RBFOX3: variants seen among roughly 807,000 people sequenced by gnomAD.
RBFOX3 encodes the protein RNA binding protein fox-1 homolog 3.
Under a neutral mutation model 48.7 loss-of-function variants are expected in RBFOX3, and 17 were observed. The ratio of observed to expected loss-of-function variants is 0.35; its 90% CI spans 0.24 to 0.52. The LOEUF (loss-of-function observed/expected upper bound fraction) is 0.52, where lower values mean the gene tolerates loss of function less well. RBFOX3 is among the 20% of genes least tolerant of loss of function. The pLI is 0.94. For missense variants in RBFOX3, 382 were observed against 497.5 expected (o/e 0.77, Z 2.21); for synonymous variants, 212 against 209.5 (o/e 1.01, Z -0.10).
intron 3 of RBFOX3, among the ~76,000 whole-genome samples, chr17:79,288,788 C>T (rs1363857550): frequency 6.6e-6 from 1 of 151,874 alleles, no homozygotes; most frequent in African/African-American, 2.4e-5. Flanking sequence ...ATGACCCCCC[C>T]AATTGATATA....
chr17:79,377,222 C>T (rs2059322420), intron 2 of RBFOX3, among the ~76,000 whole-genome samples: 2 of 148,178 alleles, frequency 1.3e-5, no homozygotes. Context: ...TACACACACA[C>T]TACACAGACG....
At chr17:79,360,656 A>G (rs1451056790) in intron 2 of RBFOX3, among the ~76,000 whole-genome samples, 1 of 152,164 alleles carries the variant, frequency 6.6e-6, no homozygotes, top group African/African-American at 2.4e-5. Flanking sequence ...AAAACTAGCC[A>G]GGAAGAAGCC....
In RBFOX3 at chr17:79,443,456, G is replaced by A. The variant is rs1428935971; in HGVS notation, c.-175+38998C>T. ...GAGTGCAGTGGCTCGATCTCGGCTC[G>A]CTGCAACCTCTGCCTCCCAGGTTCC... is the stretch of plus-strand genomic sequence containing the variant. On this transcript the variant is annotated intron_variant, in intron 2 of 14. Coordinates refer to ENST00000693108, the MANE Select transcript of RBFOX3 (RefSeq NM_001350451.2). The surrounding 1 kb of genome is among the most constrained non-coding windows in gnomAD (Gnocchi z 4.4). Among the ~76,000 whole-genome samples, 6 of 151,682 alleles carry A rather than the reference G, an allele frequency of 4.0e-5. No individual in the cohort carries two copies. The East Asian group carries it at 9.7e-4, about 25-fold the overall frequency.
At chr17:79,600,833 C>G (rs999812475) in intron 1 of RBFOX3, 1 of 152,256 alleles carries the variant, frequency 6.6e-6, no homozygotes, top group Non-Finnish European at 1.5e-5. Flanking sequence ...AGGGAGGAAC[C>G]GTAAATCTTT....
In RBFOX3 at chr17:79,089,876, C is replaced by T. The variant is rs916114668; in HGVS notation, c.*1007G>A. 1 of 152,424 alleles carries T rather than the reference C, an allele frequency of 6.6e-6. No homozygotes were observed. The highest frequency in any genetic ancestry group is 2.4e-5 in the African/African-American group (1 of 41,452). 9.4% of individuals were successfully genotyped at this position (152,424 alleles called of 1,614,324 possible). On this transcript the variant is annotated 3_prime_UTR_variant, in exon 15 of 15. Coordinates refer to ENST00000693108, the MANE Select transcript of RBFOX3 (RefSeq NM_001350451.2). ...GGCCCAGGCTTCCCCATCCCTTGCCCTTCCCATGGGCCCCTGCTCTGGCTG... is the reference window on the plus strand; with the variant it reads ...GGCCCAGGCTTCCCCATCCCTTGCCTTTCCCATGGGCCCCTGCTCTGGCTG...
At chr17:79,167,971 C>T (rs1262859436) in intron 4 of RBFOX3, among the ~76,000 whole-genome samples, 3 of 152,248 alleles carry the variant, frequency 2.0e-5, no homozygotes, top group Non-Finnish European at 4.4e-5. Flanking sequence ...CCCTTCACCT[C>T]CAACCACAGA....
intron 2 of RBFOX3, among the ~76,000 whole-genome samples, chr17:79,435,454 G>A (rs2069232214): frequency 6.6e-6 from 1 of 152,338 alleles, no homozygotes; most frequent in African/African-American, 2.4e-5. Context: ...GCCGCTGTGT[G>A]GCACCCCTTG....
intron 2 of RBFOX3, among the ~76,000 whole-genome samples, chr17:79,463,835 A>G (rs1468055900): frequency 1.4e-4 from 18 of 129,726 alleles, no homozygotes; most frequent in Non-Finnish European, 2.6e-4. Flanking sequence ...CACCACTGCC[A>G]CCACCACCAT....
chr17:79,497,392 C>T (rs1449622351), intron 1 of RBFOX3, among the ~76,000 whole-genome samples: 6 of 152,252 alleles, frequency 3.9e-5, no homozygotes, highest in African/African-American at 7.2e-5. Context: ...TCCAATGGAC[C>T]GCAGAGTCTT....
At position 79,499,304 on chromosome 17, in the gene RBFOX3, A is replaced by T. The variant is rs542277386; in HGVS notation, c.-319-16706T>A. On this transcript the variant is annotated intron_variant, in intron 1 of 14. Coordinates refer to ENST00000693108, the MANE Select transcript of RBFOX3 (RefSeq NM_001350451.2). ...TCTACCATCCATTTATTCATCCACT[A>T]TTCATTCATGCACTCATCCATCCAC... is the stretch of plus-strand genomic sequence containing the variant. 4.6e-5 allele frequency among the ~76,000 whole-genome samples: 7 copies of T among 151,612 alleles called. No homozygotes were observed. In the East Asian group the frequency reaches 1.4e-3, roughly 30 times the overall value.
rs539406093 is a variant in RBFOX3, at chr17:79,249,501, C to A, written c.-73-13696G>T. 2.6e-5 allele frequency among the ~76,000 whole-genome samples: 4 copies of A among 152,122 alleles called. No individual in the cohort carries two copies. Among genetic ancestry groups the A allele is most frequent in the African/African-American group, 7.2e-5 (3 of 41,490 alleles). On this transcript the variant is annotated intron_variant, in intron 3 of 14. Transcript: ENST00000693108. This position sits in a 1 kb window ranked among gnomAD's most constrained non-coding sequence, Gnocchi z 4.1. The stretch of plus-strand genomic sequence containing the variant: ...AACGGGCTTGGGGTGTGCTTTTTCA[C>A]CTGCAAACCGGCCAACCAGATCCCA...
chr17:79,566,398 C>A (rs2092456332), intron 1 of RBFOX3, among the ~76,000 whole-genome samples: 1 of 152,178 alleles, frequency 6.6e-6, no homozygotes, highest in African/African-American at 2.4e-5. Flanking sequence ...CATGGTCCTG[C>A]AGCTCCAGGG....
chr17:79,246,981 A>G (rs12051618), intron 3 of RBFOX3, among the ~76,000 whole-genome samples: 71,235 of 152,046 alleles, frequency 0.47, 16,833 homozygotes, highest in Middle Eastern at 0.61. Context: ...AGCGCGTTTC[A>G]TTATCAACAA....
At chr17:79,542,032 C>T (rs567186496) in intron 1 of RBFOX3, among the ~76,000 whole-genome samples, 11 of 144,558 alleles carry the variant, frequency 7.6e-5, no homozygotes, top group South Asian at 4.4e-4. Flanking sequence ...ACCTTGAGAG[C>T]GTCGACCTTT....
intron 4 of RBFOX3, among the ~76,000 whole-genome samples, chr17:79,141,586 T>C (rs2041924524): frequency 6.6e-6 from 1 of 152,158 alleles, no homozygotes; most frequent in Admixed American, 6.6e-5. Flanking sequence ...GGTCTCCTGA[T>C]GTCCAAACAC....
At chr17:79,342,559 G>A (rs1468760718) in intron 2 of RBFOX3, among the ~76,000 whole-genome samples, 1 of 152,208 alleles carries the variant, frequency 6.6e-6, no homozygotes, top group Non-Finnish European at 1.5e-5. Flanking sequence ...TCCCCTCCCT[G>A]CAAAGCCTAG....
chr17:79,143,196 C>T (rs61686889), intron 4 of RBFOX3, among the ~76,000 whole-genome samples: 340 of 152,264 alleles, frequency 2.2e-3, no homozygotes, highest in African/African-American at 7.1e-3. Flanking sequence ...TGCATCTGAC[C>T]GTGGCGACTA....
At chr17:79,460,086 T>A (rs77574400) in intron 2 of RBFOX3, among the ~76,000 whole-genome samples, 3,779 of 152,170 alleles carry the variant, frequency 0.025, 154 homozygotes, top group African/African-American at 0.086. Context: ...GAGGGGCAGT[T>A]GCCAAGGGCT....
intron 1 of RBFOX3, among the ~76,000 whole-genome samples, chr17:79,523,932 C>A (rs2086466191): frequency 6.6e-6 from 1 of 152,144 alleles, no homozygotes; most frequent in East Asian, 1.9e-4. Context: ...ACCTCGGTGG[C>A]ACTGGAAAAC....
Sources: allele counts gnomAD v4.1 joint callset (sites outside exome capture counted in the v4.1 genomes callset), GRCh38; gene constraint gnomAD v4.1.1; non-coding constraint Gnocchi (gnomAD v3.1); transcripts MANE v1.5; gene names NCBI Gene and HGNC (gene_info 2026-07-23, HGNC 2026-07-21).